Variants in THSD4 observed in about 807,000 individuals in gnomAD.
THSD4 encodes thrombospondin type-1 domain-containing protein 4.
In THSD4, 69 loss-of-function variants were observed where a neutral mutation model predicts 119.0. The ratio of observed to expected loss-of-function variants is 0.58; its 90% CI spans 0.48 to 0.71. The LOEUF is 0.71. Among genes scored for constraint, THSD4 ranks in the 30% least tolerant of loss-of-function variants. The pLI is 0.00. For missense variants in THSD4, 1,393 were observed against 1,391.1 expected, an observed-to-expected ratio of 1.00 and a Z score of -0.02; for synonymous variants, 524 against 540.4, an observed-to-expected ratio of 0.97 and a Z score of 0.42.
At chr15:71,480,788 CA>C (rs2047718838) in intron 7 of THSD4, among the ~76,000 whole-genome samples, 1 of 152,180 alleles carries the variant, frequency 6.6e-6, no homozygotes, top group South Asian at 2.1e-4. Flanking sequence ...AGCCTAAAGT[CA>C]GGGGGCAGGG....
chr15:71,713,224 CCA>C (rs1175982272), intron 8 of THSD4, among the ~76,000 whole-genome samples: 1 of 152,208 alleles, frequency 6.6e-6, no homozygotes, highest in Non-Finnish European at 1.5e-5. Flanking sequence ...AGGACAGCTA[CCA>C]CAGTGTCCTT....
chr15:71,761,281 A>G (rs2053623455), intron 15 of THSD4, among the ~76,000 whole-genome samples: 1 of 152,028 alleles, frequency 6.6e-6, no homozygotes, highest in African/African-American at 2.4e-5. Flanking sequence ...AGAATTTTAA[A>G]CTTTTATGTC....
chr15:71,691,085 A>T (rs950562406), intron 8 of THSD4, among the ~76,000 whole-genome samples: 2 of 152,178 alleles, frequency 1.3e-5, no homozygotes, highest in African/African-American at 4.8e-5. Context: ...TCAGGAAGAG[A>T]TTTGAAGAGG....
intron 8 of THSD4, among the ~76,000 whole-genome samples, chr15:71,689,361 G>A (rs1376656761): frequency 2.6e-5 from 4 of 152,106 alleles, no homozygotes; most frequent in African/African-American, 7.2e-5. Flanking sequence ...TCTGAATTCT[G>A]TGTCTGCCAC....
intron 1 of THSD4, among the ~76,000 whole-genome samples, chr15:71,121,453 G>C (rs553560311): frequency 6.6e-6 from 1 of 152,044 alleles, no homozygotes; most frequent in South Asian, 2.1e-4. Context: ...GGGCGCCAAG[G>C]CTTGCTTTGG....
At position 71,532,562 on chromosome 15, in the gene THSD4, G is replaced by A. The variant is rs564225392; in HGVS notation, c.1152+120739G>A. On this transcript the variant is annotated intron_variant, in intron 7 of 17. Coordinates refer to ENST00000261862, the MANE Select transcript of THSD4 (RefSeq NM_024817.3). ...AATCTCTTGACCTCGCAATCTGCCC[G>A]CCTTGGCCTCTCAAACTGCTGGGAT... Among the ~76,000 whole-genome samples, 54 of 151,724 alleles carry A rather than the reference G, an allele frequency of 3.6e-4. 1 individual carries two copies. The highest frequency in any genetic ancestry group is 6.8e-3 in the Middle Eastern group (2 of 292).
chr15:71,727,579 TATATATATACACACACACAC>T (rs1428898238), intron 8 of THSD4, among the ~76,000 whole-genome samples: 45 of 12,886 alleles, frequency 3.5e-3, no homozygotes, highest in Admixed American at 9.4e-3. Flanking sequence ...TATATATATA[TATATATATACACACACACAC>T]ACACACACAC....
chr15:71,384,067 A>AT (rs1285066756), intron 6 of THSD4, among the ~76,000 whole-genome samples: 2 of 152,220 alleles, frequency 1.3e-5, no homozygotes, highest in Non-Finnish European at 2.9e-5. Flanking sequence ...GGCAGAGCTC[A>AT]TTAACAAATA....
At chr15:71,111,768 T>G (rs923744661), upstream of THSD4, 49 of 511,480 alleles carry the variant, frequency 9.6e-5, no homozygotes, top group African/African-American at 9.0e-4. Context: ...TATACGGGGG[T>G]TTCCTTTCCT....
At chr15:71,341,081 T>C in intron 6 of THSD4, 1 of 1,076,788 alleles carries the variant, frequency 9.3e-7, no homozygotes, top group East Asian at 2.4e-5. Flanking sequence ...TTGCCTTTTC[T>C]TTTCTATTGT....
At chr15:71,521,684 C>A (rs572183491) in intron 7 of THSD4, among the ~76,000 whole-genome samples, 1 of 152,222 alleles carries the variant, frequency 6.6e-6, no homozygotes, top group South Asian at 2.1e-4. Context: ...TAAAAGAATT[C>A]ATTAACCTGT....
chr15:71,319,356 A>C (rs1596334137), intron 6 of THSD4, among the ~76,000 whole-genome samples: 1 of 151,304 alleles, frequency 6.6e-6, no homozygotes, highest in African/African-American at 2.4e-5. Context: ...CTCGTCATTT[A>C]CATTAGGTAT....
intron 6 of THSD4, among the ~76,000 whole-genome samples, chr15:71,365,169 G>C (rs952301576): frequency 6.7e-6 from 1 of 149,078 alleles, no homozygotes; most frequent in Non-Finnish European, 1.5e-5. Flanking sequence ...GTGTGTGTAT[G>C]AGAGAGAGAA....
intron 4 of THSD4, 109 bp from the exon 5 acceptor site, chr15:71,242,540 C>T: frequency 8.2e-7 from 1 of 1,215,748 alleles, no homozygotes; most frequent in Non-Finnish European, 1.2e-6. Context: ...TAGACCCTTT[C>T]CCAAGCTTCC....
intron 10 of THSD4, among the ~76,000 whole-genome samples, chr15:71,735,079 T>TACAC (rs368349893): frequency 1.3e-4 from 19 of 150,012 alleles, no homozygotes; most frequent in African/African-American, 3.2e-4. Flanking sequence ...GCTTGGGGGT[T>TACAC]ACACACACAC....
chr15:71,775,899 AC>A (rs2053904333), intron 17 of THSD4, among the ~76,000 whole-genome samples: 1 of 152,208 alleles, frequency 6.6e-6, no homozygotes, highest in Admixed American at 6.5e-5. Flanking sequence ...CCAGAAATAC[AC>A]ATATAAAGGA....
chr15:71,118,300 C>T (rs2040380275), intron 1 of THSD4, among the ~76,000 whole-genome samples: 1 of 152,120 alleles, frequency 6.6e-6, no homozygotes, highest in African/African-American at 2.4e-5. Context: ...CTCCACTCAC[C>T]CAGTCTCTAT....
rs183243153 is a variant in THSD4 at position 71,319,578 on chromosome 15, T to C, written c.1015+62863T>C. Among the ~76,000 whole-genome samples, 1,464 of 152,206 alleles carry C rather than the reference T, an allele frequency of 9.6e-3. 31 individuals are homozygous for C. Among genetic ancestry groups the C allele is most frequent in the African/African-American group, 0.034 (1,404 of 41,512 alleles). On this transcript the variant is annotated intron_variant, in intron 6 of 17. Transcript: ENST00000261862. The stretch of plus-strand genomic sequence containing the variant: ...CCATGTTGCTACAAAGGACATGAAT[T>C]CATCCTTTTTTATGGCTGCATAGTA...
chr15:71,431,749 T>C (rs983112731), intron 7 of THSD4, among the ~76,000 whole-genome samples: 7 of 152,060 alleles, frequency 4.6e-5, no homozygotes, highest in Admixed American at 1.3e-4. Context: ...TTGTATACCA[T>C]AGGGGAAAGG....
Sources: allele counts gnomAD v4.1 joint callset (sites outside exome capture counted in the v4.1 genomes callset), GRCh38; gene constraint gnomAD v4.1.1; transcripts MANE v1.5; gene names NCBI Gene and HGNC (gene_info 2026-07-23, HGNC 2026-07-21).